Variants in KCNH1 observed in about 807,000 individuals in gnomAD.
KCNH1 encodes voltage-gated delayed rectifier potassium channel KCNH1.
A neutral mutation model predicts 69.2 loss-of-function variants in KCNH1; 27 were observed. That is an observed-to-expected ratio of 0.39 (90% CI 0.29 to 0.54). KCNH1 has a LOEUF of 0.54. KCNH1 is among the 20% of genes least tolerant of loss of function. The probability of loss-of-function intolerance (pLI) is 0.68; values close to 1 mark genes in which losing one functional copy is unlikely to be tolerated. For missense variants in KCNH1, 798 were observed against 1,261.6 expected (o/e 0.63, Z 5.57); for synonymous variants, 456 against 487.7 (o/e 0.93, Z 0.86).
intron 5 of KCNH1, among the ~76,000 whole-genome samples, chr1:211,040,477 T>G (rs927102046): frequency 6.6e-6 from 1 of 152,172 alleles, no homozygotes; most frequent in Non-Finnish European, 1.5e-5. Context: ...TCTTCCTCAT[T>G]TTCTCTTGCT....
chr1:210,971,391 T>C (rs938402923), intron 6 of KCNH1, among the ~76,000 whole-genome samples: 1 of 152,228 alleles, frequency 6.6e-6, no homozygotes, highest in Non-Finnish European at 1.5e-5. Context: ...AAAGCAATTG[T>C]TAAATTTTCA....
intron 7 of KCNH1, among the ~76,000 whole-genome samples, chr1:210,911,844 T>C (rs371276528): frequency 2.6e-5 from 4 of 152,154 alleles, no homozygotes; most frequent in African/African-American, 7.2e-5. Flanking sequence ...ACCATAATTA[T>C]AGTTCAAAAT....
chr1:210,911,286 A>G (rs1687226014), intron 7 of KCNH1, among the ~76,000 whole-genome samples: 1 of 152,106 alleles, frequency 6.6e-6, no homozygotes, highest in Admixed American at 6.5e-5. Flanking sequence ...GACACCCTGC[A>G]CATGTGCCCA....
chr1:211,018,882 A>C lies in KCNH1; in HGVS notation c.933T>G (p.Ala311=). The C allele has an allele frequency of 6.2e-7, 1 of 1,614,100 alleles. No homozygotes were observed. The highest frequency in any genetic ancestry group is 8.5e-7 in the Non-Finnish European group (1 of 1,179,994). Reference sequence around the variant, plus strand: ...CACTAACCTCATCCACGTTCTCAAAAGCGTTGATGACATCATATGGCAAAC... The same window carrying C: ...CACTAACCTCATCCACGTTCTCAAACGCGTTGATGACATCATATGGCAAAC... ...LSCLPYDVIN[A]FENVDEVSAF... Residue 311 remains alanine, a synonymous_variant, in exon 6 of 11, where the codon GCT becomes GCG. Coordinates refer to ENST00000271751, the MANE Select transcript of KCNH1 (RefSeq NM_172362.3).
chr1:210,919,446 T>C lies in KCNH1; in HGVS notation c.1462+194A>G, dbSNP rs781616814. 40 of 598,848 alleles carry C rather than the reference T, an allele frequency of 6.7e-5. No homozygotes were observed. Among genetic ancestry groups the C allele is most frequent in the Non-Finnish European group, 1.1e-4 (39 of 339,442 alleles). The allele number at this position is 598,848 out of a possible 1,614,324, so 37.1% of individuals were successfully genotyped here. A position where few individuals can be genotyped will look rare whatever the true frequency, so the allele number is the denominator to read the frequency against. ...AGTCTTTACTTTCTACTTTGCACTC[T>C]TTTGTATTTTCTAAATTTTTTTGCA... On this transcript the variant is annotated intron_variant, in intron 7 of 10. Transcript: ENST00000271751. The surrounding 1 kb of genome is among the most constrained non-coding windows in gnomAD (Gnocchi z 4.2).
intron 7 of KCNH1, among the ~76,000 whole-genome samples, chr1:210,826,413 A>G (rs1391771843): frequency 2.0e-5 from 3 of 152,224 alleles, no homozygotes; most frequent in Non-Finnish European, 4.4e-5. Flanking sequence ...AATGCTGCCC[A>G]AAAAGAATAA....
At chr1:210,845,256 C>T (rs972119436) in intron 7 of KCNH1, among the ~76,000 whole-genome samples, 4 of 152,178 alleles carry the variant, frequency 2.6e-5, no homozygotes, top group Non-Finnish European at 4.4e-5. Flanking sequence ...GATACCAAAG[C>T]CTGGCAGAAA....
intron 6 of KCNH1, among the ~76,000 whole-genome samples, chr1:210,982,418 C>G (rs1287891275): frequency 6.6e-6 from 1 of 152,032 alleles, no homozygotes; most frequent in Admixed American, 6.6e-5. Flanking sequence ...ATCCCTCCCC[C>G]TTCCCCCCAC....
chr1:210,927,594 C>A (rs896233815), intron 6 of KCNH1, among the ~76,000 whole-genome samples: 1 of 152,018 alleles, frequency 6.6e-6, no homozygotes, highest in African/African-American at 2.4e-5. Context: ...TTGAAGTACA[C>A]CAAAATGGAA....
intron 6 of KCNH1, among the ~76,000 whole-genome samples, chr1:210,997,867 T>C (rs924776279): frequency 2.6e-5 from 4 of 152,198 alleles, no homozygotes; most frequent in African/African-American, 9.7e-5. Context: ...TCAACATTCT[T>C]AAAGAAAAGA....
At chr1:210,732,506 C>T (rs1448650595) in intron 10 of KCNH1, among the ~76,000 whole-genome samples, 1 of 152,170 alleles carries the variant, frequency 6.6e-6, no homozygotes, top group African/African-American at 2.4e-5. Flanking sequence ...ATTGTGTGTT[C>T]ATGACTCAAG....
intron 1 of KCNH1, among the ~76,000 whole-genome samples, chr1:211,116,942 A>G (rs979551408): frequency 3.3e-5 from 5 of 152,206 alleles, no homozygotes; most frequent in Non-Finnish European, 7.3e-5. Flanking sequence ...TGGCTCCTTC[A>G]GTCTTCCATT....
chr1:210,967,957 A>G (rs1301715077), intron 6 of KCNH1, among the ~76,000 whole-genome samples: 1 of 151,698 alleles, frequency 6.6e-6, no homozygotes, highest in Admixed American at 6.6e-5. Flanking sequence ...ATGCTGGTGC[A>G]CTGCACCCAC....
At chr1:210,917,307 G>C (rs961102511) in intron 7 of KCNH1, among the ~76,000 whole-genome samples, 1 of 151,428 alleles carries the variant, frequency 6.6e-6, no homozygotes. Context: ...AACACAGAGA[G>C]AGAGAGAGAA....
intron 7 of KCNH1, among the ~76,000 whole-genome samples, chr1:210,909,241 T>C (rs1025546719): frequency 6.6e-6 from 1 of 152,246 alleles, no homozygotes; most frequent in Non-Finnish European, 1.5e-5. Context: ...AACAAACCCT[T>C]ATCAAGCTCT....
At chr1:210,802,056 C>G (rs935626381) in intron 8 of KCNH1, among the ~76,000 whole-genome samples, 1 of 152,188 alleles carries the variant, frequency 6.6e-6, no homozygotes, top group Non-Finnish European at 1.5e-5. Flanking sequence ...GTGCTTACCC[C>G]CTTCAAGAAG....
intron 9 of KCNH1, among the ~76,000 whole-genome samples, chr1:210,794,919 C>T (rs1356415402): frequency 1.3e-5 from 2 of 152,134 alleles, no homozygotes; most frequent in Non-Finnish European, 2.9e-5. Flanking sequence ...GTGAAAAATG[C>T]TCTTTCATAT....
At chr1:210,835,489 G>A (rs915157354) in intron 7 of KCNH1, among the ~76,000 whole-genome samples, 10 of 151,958 alleles carry the variant, frequency 6.6e-5, no homozygotes, top group African/African-American at 1.2e-4. Flanking sequence ...GAATCTTTGC[G>A]AGCCTCTACC....
At chr1:210,988,019 GT>G (rs1688873791) in intron 6 of KCNH1, among the ~76,000 whole-genome samples, 2 of 152,194 alleles carry the variant, frequency 1.3e-5, no homozygotes, top group African/African-American at 4.8e-5. Context: ...ACACCTTGCA[GT>G]TTGATCTCAG....
Sources: gnomAD v4.1 joint callset for allele counts (sites outside exome capture counted in the v4.1 genomes callset) on GRCh38, gnomAD v4.1.1 for gene constraint, Gnocchi (gnomAD v3.1) non-coding constraint, MANE v1.5 for transcripts, NCBI Gene and HGNC (gene_info 2026-07-23, HGNC 2026-07-21) for gene names.